The following CDH18 variants were observed in gnomAD, a reference collection of about 807,000 sequenced individuals.
CDH18 encodes cadherin 18, also known as cadherin-18.
A neutral mutation model predicts 67.9 loss-of-function variants in CDH18; 31 were observed. The observed-to-expected ratio is 0.46, with a 90% CI of 0.34 to 0.62. The LOEUF (loss-of-function observed/expected upper bound fraction) is 0.62, where lower values mean the gene tolerates loss of function less well. CDH18 is among the 20% of genes least tolerant of loss of function. The pLI, the probability that CDH18 is intolerant of heterozygous loss-of-function variation, is 0.01. For synonymous variants in CDH18, 362 were observed against 347.2 expected, an observed-to-expected ratio of 1.04 and a Z score of -0.48; for missense variants, 890 against 975.5, an observed-to-expected ratio of 0.91 and a Z score of 1.17.
chr5:19,895,725 G>A (rs1789252401), intron 2 of CDH18, among the ~76,000 whole-genome samples: 1 of 152,120 alleles, frequency 6.6e-6, no homozygotes, highest in Non-Finnish European at 1.5e-5. Context: ...TGAATCTCCA[G>A]AGAATTATGC....
At chr5:19,607,608 A>T (rs1459402443) in intron 6 of CDH18, among the ~76,000 whole-genome samples, 1 of 151,534 alleles carries the variant, frequency 6.6e-6, no homozygotes, top group African/African-American at 2.4e-5. Flanking sequence ...ATAGCAAATG[A>T]TATACCTAAA....
At chr5:19,719,949 GAAA>G (rs1252391832) in intron 5 of CDH18, among the ~76,000 whole-genome samples, 3 of 150,322 alleles carry the variant, frequency 2.0e-5, no homozygotes, top group Non-Finnish European at 4.4e-5. Flanking sequence ...AAGAAAGAAA[GAAA>G]GAAAGAAGGA....
At chr5:20,441,044 A>G (rs1276952661) in intron 1 of CDH18, among the ~76,000 whole-genome samples, 1 of 151,952 alleles carries the variant, frequency 6.6e-6, no homozygotes, top group Non-Finnish European at 1.5e-5. Context: ...GCCTATCATA[A>G]GATTTCACCA....
chr5:20,415,473 TA>T (rs1747217785), intron 1 of CDH18, among the ~76,000 whole-genome samples: 1 of 152,002 alleles, frequency 6.6e-6, no homozygotes, highest in African/African-American at 2.4e-5. Context: ...CATTCAGCCT[TA>T]AAAAAAGATG....
chr5:20,217,760 T>TTG (rs1202262011), intron 2 of CDH18, among the ~76,000 whole-genome samples: 1 of 151,782 alleles, frequency 6.6e-6, no homozygotes, highest in Non-Finnish European at 1.5e-5. Context: ...GACCAAATGA[T>TTG]TTGTTGCCTA....
At chr5:19,871,626 G>A (rs1332858569) in intron 2 of CDH18, among the ~76,000 whole-genome samples, 1 of 151,862 alleles carries the variant, frequency 6.6e-6, no homozygotes. Flanking sequence ...AAAATAAAAT[G>A]AGATAAGGAT....
chr5:20,197,909 T>G (rs879274236), intron 2 of CDH18, among the ~76,000 whole-genome samples: 2 of 152,010 alleles, frequency 1.3e-5, no homozygotes, highest in Admixed American at 6.6e-5. Context: ...CGGGACCAGG[T>G]GGAGATAATT....
At chr5:19,596,715 G>C (rs1746231061) in intron 6 of CDH18, among the ~76,000 whole-genome samples, 1 of 152,068 alleles carries the variant, frequency 6.6e-6, no homozygotes, top group Admixed American at 6.5e-5. Flanking sequence ...CAGATTCCTG[G>C]TACAGGCAGA....
At chr5:20,384,476 C>T (rs1040895342) in intron 1 of CDH18, among the ~76,000 whole-genome samples, 3 of 152,032 alleles carry the variant, frequency 2.0e-5, no homozygotes, top group Admixed American at 6.6e-5. Flanking sequence ...TTTTCTTTAT[C>T]CACTCATCTG....
At chr5:19,696,392 C>G (rs1276597592) in intron 5 of CDH18, among the ~76,000 whole-genome samples, 1 of 151,790 alleles carries the variant, frequency 6.6e-6, no homozygotes, top group Non-Finnish European at 1.5e-5. Flanking sequence ...CAAAAATTAG[C>G]CGGGTGTGGT....
chr5:19,935,524 G>A (rs1205506701), intron 2 of CDH18, among the ~76,000 whole-genome samples: 1 of 151,180 alleles, frequency 6.6e-6, no homozygotes, highest in Admixed American at 6.6e-5. Context: ...TGCTGTACAT[G>A]TCTGTAGCCT....
At chr5:19,557,174 A>C (rs1269286347) in intron 8 of CDH18, among the ~76,000 whole-genome samples, 3 of 152,138 alleles carry the variant, frequency 2.0e-5, no homozygotes, top group Admixed American at 6.6e-5. Flanking sequence ...ATACAACAAA[A>C]TAGAATCTCC....
chr5:19,697,299 G>T (rs1310493101), intron 5 of CDH18, among the ~76,000 whole-genome samples: 4 of 152,126 alleles, frequency 2.6e-5, no homozygotes, highest in Non-Finnish European at 5.9e-5. Flanking sequence ...TTTGGAATGA[G>T]AATAATTAGC....
chr5:19,479,772 G>C (rs3811861), intron 12 of CDH18, among the ~76,000 whole-genome samples: 5,447 of 152,110 alleles, frequency 0.036, 110 homozygotes, highest in East Asian at 0.065. Flanking sequence ...AGCTGGCAGA[G>C]GTCCCAGTCA....
At chr5:19,930,687 T>C (rs1793593941) in intron 2 of CDH18, among the ~76,000 whole-genome samples, 1 of 152,018 alleles carries the variant, frequency 6.6e-6, no homozygotes, top group African/African-American at 2.4e-5. Flanking sequence ...AGAGGCCTAG[T>C]GTGCTGTCAA....
At chr5:20,229,565 A>C (rs2126493155) in intron 2 of CDH18, among the ~76,000 whole-genome samples, 1 of 152,240 alleles carries the variant, frequency 6.6e-6, no homozygotes. Flanking sequence ...TAAATGCATC[A>C]ATTTAGAATT....
chr5:19,847,614 T>C (rs968421820), intron 2 of CDH18, among the ~76,000 whole-genome samples: 1 of 152,074 alleles, frequency 6.6e-6, no homozygotes, highest in Admixed American at 6.6e-5. Context: ...TATGCCTCTT[T>C]TGATTGAGCC....
At chr5:20,213,955 C>G (rs1740557816) in intron 2 of CDH18, among the ~76,000 whole-genome samples, 1 of 151,792 alleles carries the variant, frequency 6.6e-6, no homozygotes, top group Non-Finnish European at 1.5e-5. Context: ...ATGACATGAT[C>G]CTATATCTAG....
At chr5:20,142,722 G>C (rs942576128) in intron 2 of CDH18, among the ~76,000 whole-genome samples, 15 of 152,076 alleles carry the variant, frequency 9.9e-5, no homozygotes, top group Admixed American at 7.2e-4. Context: ...CAGTCTATAA[G>C]CCAAGGAACA....
Sources: allele counts gnomAD v4.1 joint callset (sites outside exome capture counted in the v4.1 genomes callset), GRCh38; gene constraint gnomAD v4.1.1; transcripts MANE v1.5; gene names NCBI Gene and HGNC (gene_info 2026-07-23, HGNC 2026-07-21).